The following VWA2 variants were observed in gnomAD, a reference collection of about 807,000 sequenced individuals.
VWA2 encodes the protein von Willebrand factor A domain containing 2.
A neutral mutation model predicts 70.4 loss-of-function variants in VWA2; 73 were observed. The ratio of observed to expected loss-of-function variants is 1.04; its 90% CI spans 0.86 to 1.26. The LOEUF (loss-of-function observed/expected upper bound fraction) is 1.26, where lower values mean the gene tolerates loss of function less well. Ranked by LOEUF, VWA2 falls within the 50% of genes most tolerant of loss-of-function variation. The probability of loss-of-function intolerance (pLI) is 0.00; values close to 1 mark genes in which losing one functional copy is unlikely to be tolerated. For missense variants in VWA2, 1,011 were observed against 998.5 expected (o/e 1.01, Z -0.17); for synonymous variants, 407 against 423.3 (o/e 0.96, Z 0.47).
Position 114,290,335 on chromosome 10 carries a change from G to A in VWA2, c.2218G>A (p.Asp740Asn), listed in dbSNP as rs909309114. Reference sequence around the variant, plus strand: ...TGGGAGCTACCGCTGCAAGTGTCGGGATGGCTGGGAGGGCCCCCACTGCGA... The same window carrying A: ...TGGGAGCTACCGCTGCAAGTGTCGGAATGGCTGGGAGGGCCCCCACTGCGA... The part of the protein sequence containing the change: ...QNGSYRCKCR[D>N]GWEGPHCENR... Residue 740 changes from aspartate (D) to asparagine (N), a missense_variant, in exon 13 of 14, where the codon GAT (aspartate) becomes AAT (asparagine). By Grantham distance (23) the Asp-to-Asn change is conservative. Coordinates refer to ENST00000392982, the MANE Select transcript of VWA2 (RefSeq NM_001272046.2). 8 of 1,550,498 alleles carry A rather than the reference G, an allele frequency of 5.2e-6. No individual in the cohort carries two copies. Among genetic ancestry groups the A allele is most frequent in the Non-Finnish European group, 7.0e-6 (8 of 1,146,998 alleles).
chr10:114,264,509 C>T (rs2037518668), intron 5 of VWA2, among the ~76,000 whole-genome samples: 1 of 151,940 alleles, frequency 6.6e-6, no homozygotes, highest in Non-Finnish European at 1.5e-5. Flanking sequence ...GCTCCACCTC[C>T]TAGGTTCACA....
In VWA2 at chr10:114,289,413, G is replaced by A; in HGVS notation, c.2046G>A (p.Arg682=). The A allele has an allele frequency of 1.2e-6, 2 of 1,612,336 alleles. No individual in the cohort carries two copies. Among genetic ancestry groups the A allele is most frequent in the Non-Finnish European group, 8.5e-7 (1 of 1,178,334 alleles). Residue 682 remains arginine (R), a synonymous_variant, in exon 12 of 14, where the codon CGG becomes CGA. Transcript: ENST00000392982. The part of the protein sequence containing the change: ...SEGLRRLAGP[R]DSLIHVAAYA... ...GTCTGCGGAGGCTTGCAGGTCCCCG[G>A]GATTCCCTGATCCACGTGGCAGCTT...
intron 1 of VWA2, among the ~76,000 whole-genome samples, chr10:114,241,648 CA>C (rs2036976120): frequency 3.9e-5 from 6 of 152,126 alleles, no homozygotes; most frequent in Admixed American, 3.9e-4. Flanking sequence ...GCATTGTCCT[CA>C]CATCCTCAGT....
intron 5 of VWA2, among the ~76,000 whole-genome samples, chr10:114,265,999 T>C (rs1305668203): frequency 6.6e-6 from 1 of 152,112 alleles, no homozygotes; most frequent in Non-Finnish European, 1.5e-5. Flanking sequence ...AGTTTTCTTT[T>C]TAAATTTTCA....
intron 1 of VWA2, chr10:114,246,853 C>A (rs1180945444): frequency 1.4e-6 from 1 of 713,866 alleles, no homozygotes; most frequent in Non-Finnish European, 2.5e-6. Flanking sequence ...TTACTGAGCA[C>A]CTGGCAATGC....
intron 4 of VWA2, among the ~76,000 whole-genome samples, chr10:114,259,554 T>A (rs558796742): frequency 6.6e-6 from 1 of 152,124 alleles, no homozygotes; most frequent in Non-Finnish European, 1.5e-5. Flanking sequence ...TAAGGTCTTT[T>A]TACACGTTGA....
rs374060724 is a variant in VWA2, at chr10:114,286,023, G to T, written c.1082G>T (p.Arg361Leu). The change falls in exon 11 of 14, where the codon CGG becomes CTG. Residue 361 changes from arginine (R) to leucine (L), a missense_variant. By Grantham distance (102) the Arg-to-Leu change is moderately radical. Transcript: ENST00000392982. Reference sequence around the variant, plus strand: ...GGCACCACTCTGGACGGCTTCCTGCGGGCCAAAGTCTTCGTGAAGCGGTTT... The same window carrying T: ...GGCACCACTCTGGACGGCTTCCTGCTGGCCAAAGTCTTCGTGAAGCGGTTT... ...SAGTTLDGFL[R>L]AKVFVKRFVR... 5.0e-6 allele frequency: 8 copies of T among 1,614,112 alleles called. No homozygotes were observed. Among genetic ancestry groups the T allele is most frequent in the Admixed American group, 1.7e-5 (1 of 60,028 alleles).
intron 4 of VWA2, among the ~76,000 whole-genome samples, chr10:114,257,314 G>C (rs1245574961): frequency 6.6e-6 from 1 of 152,154 alleles, no homozygotes; most frequent in Non-Finnish European, 1.5e-5. Flanking sequence ...CTTTTAAAAG[G>C]GTTCCTTATC....
rs765307706 is a variant in VWA2 at position 114,278,021 on chromosome 10, C to T, written c.674C>T (p.Ser225Leu). The change falls in exon 7 of 14, where the codon TCG becomes TTG. Residue 225 changes from serine (S) to leucine (L), a missense_variant. Physicochemically the swap from Ser to Leu is moderately radical, Grantham distance 145 (BLOSUM62 -2). Coordinates refer to ENST00000392982, the MANE Select transcript of VWA2 (RefSeq NM_001272046.2). The part of the protein sequence containing the change: ...TNGLFSTLSS[S>L]AICSSATPDC... The stretch of plus-strand genomic sequence containing the variant: ...GGCCTCTTCAGCACCCTCAGCAGCT[C>T]GGCCATCTGCTCCAGCGCCACGCCA... 30 of 1,612,374 alleles carry T rather than the reference C, an allele frequency of 1.9e-5. No individual in the cohort carries two copies. Among genetic ancestry groups the T allele is most frequent in the Admixed American group, 1.2e-4 (7 of 59,990 alleles).
intron 5 of VWA2, among the ~76,000 whole-genome samples, chr10:114,271,580 C>G (rs536914167): frequency 6.6e-6 from 1 of 150,460 alleles, no homozygotes; most frequent in African/African-American, 2.5e-5. Context: ...GGCAGGAGGA[C>G]TCATGTCAGA....
intron 9 of VWA2, among the ~76,000 whole-genome samples, chr10:114,283,724 T>C (rs1487000798): frequency 1.3e-5 from 2 of 152,224 alleles, no homozygotes; most frequent in African/African-American, 4.8e-5. Context: ...TGTATTGTGC[T>C]TAGCACAGTC....
Position 114,255,612 on chromosome 10 carries a change from C to T in VWA2, c.261+564C>T, listed in dbSNP as rs2037310176. ...AAGCAGACTAAAGCTGTTACTACCTCAGTGGACTGAATAGCACAGCTCCTA... is the reference window on the plus strand; with the variant it reads ...AAGCAGACTAAAGCTGTTACTACCTTAGTGGACTGAATAGCACAGCTCCTA... On this transcript the variant is annotated intron_variant, in intron 4 of 13. Coordinates refer to ENST00000392982, the MANE Select transcript of VWA2 (RefSeq NM_001272046.2). Among the ~76,000 whole-genome samples the T allele has an allele frequency of 2.6e-5, 4 of 152,350 alleles. No homozygotes were observed. The South Asian group carries it at 8.3e-4, about 32-fold the overall frequency.
chr10:114,279,788 T>A (rs2037975857), intron 8 of VWA2, among the ~76,000 whole-genome samples: 1 of 152,120 alleles, frequency 6.6e-6, no homozygotes, highest in Non-Finnish European at 1.5e-5. Flanking sequence ...CCCCAAGGAA[T>A]CATGGTTTAG....
chr10:114,263,397 C>T (rs1363549938), intron 5 of VWA2, among the ~76,000 whole-genome samples: 1 of 133,384 alleles, frequency 7.5e-6, no homozygotes, highest in Non-Finnish European at 1.5e-5. Context: ...AGTGCAGTGG[C>T]ACGATCTCTG....
rs1488496914 is a variant in VWA2, at chr10:114,291,692, C to T, written c.*455C>T. 1.3e-5 allele frequency among the ~76,000 whole-genome samples: 2 copies of T among 152,316 alleles called. No individual in the cohort carries two copies. Among genetic ancestry groups the T allele is most frequent in the East Asian group, 1.9e-4 (1 of 5,184 alleles). On this transcript the variant is annotated 3_prime_UTR_variant, in exon 14 of 14. Transcript: ENST00000392982. ...CTTTACTAGAGCATCCTTTGGACGG[C>T]GAAGGCCACGGCCTTTCAAGATGGA...
chr10:114,253,619 T>G, intron 2 of VWA2, 32 bp from the exon 3 acceptor site: 1 of 1,603,316 alleles, frequency 6.2e-7, no homozygotes, highest in Non-Finnish European at 8.5e-7. Context: ...TCTCAGCATT[T>G]TAATGGCTGC....
chr10:114,244,520 G>A (rs939911616), intron 1 of VWA2, among the ~76,000 whole-genome samples: 4 of 152,328 alleles, frequency 2.6e-5, no homozygotes, highest in Admixed American at 2.0e-4. Context: ...GGCTGGCTGC[G>A]AGGATTAGGA....
intron 3 of VWA2, among the ~76,000 whole-genome samples, chr10:114,254,110 C>A (rs567047675): frequency 6.6e-6 from 1 of 151,868 alleles, no homozygotes; most frequent in East Asian, 2.0e-4. Context: ...TTGCTCCTGT[C>A]GCCCAGGCTG....
intron 1 of VWA2, among the ~76,000 whole-genome samples, chr10:114,247,295 T>C (rs1252630780): frequency 3.3e-5 from 5 of 152,188 alleles, no homozygotes; most frequent in Non-Finnish European, 7.3e-5. Context: ...TGGTTGGGTT[T>C]CTAGTCATCT....
Sources: gnomAD v4.1 joint callset for allele counts (sites outside exome capture counted in the v4.1 genomes callset) on GRCh38, gnomAD v4.1.1 for gene constraint, MANE v1.5 for transcripts, NCBI Gene and HGNC (gene_info 2026-07-23, HGNC 2026-07-21) for gene names.